Variants in SLC36A1 observed in about 807,000 individuals in gnomAD.
The protein encoded by SLC36A1 is proton-coupled amino acid transporter 1.
A neutral mutation model predicts 47.5 loss-of-function variants in SLC36A1; 30 were observed. That is an observed-to-expected ratio of 0.63 (90% CI 0.47 to 0.86). The LOEUF (loss-of-function observed/expected upper bound fraction) is 0.86, where lower values mean the gene tolerates loss of function less well. Among genes scored for constraint, SLC36A1 ranks in the 40% least tolerant of loss-of-function variants. The pLI is 0.00. For synonymous variants in SLC36A1, 255 were observed against 249.7 expected (o/e 1.02, Z -0.20); for missense variants, 517 against 606.0 (o/e 0.85, Z 1.54).
At chr5:151,458,136 C>T (rs1413970154) in intron 1 of SLC36A1, among the ~76,000 whole-genome samples, 2 of 151,740 alleles carry the variant, frequency 1.3e-5, no homozygotes, top group Non-Finnish European at 2.9e-5. Context: ...GCGTGAGCCA[C>T]CACACCCAGC....
the SLC36A1 span, among the ~76,000 whole-genome samples, chr5:151,500,370 T>C: frequency 6.6e-6 from 1 of 152,018 alleles, no homozygotes; most frequent in East Asian, 1.9e-4. Context: ...GGTTTTGTTG[T>C]TGTTGTTGTT....
rs188730317 is a variant in SLC36A1 at position 151,439,447 on chromosome 5, G to A, written c.-6+2268G>A. Among the ~76,000 whole-genome samples the A allele has an allele frequency of 2.6e-5, 4 of 152,226 alleles. No homozygotes were observed. The East Asian group carries it at 7.7e-4, about 29-fold the overall frequency. ...AGGTGGGCAGATCATGATGTCAGGA[G>A]ATCAAGACCATCCTGGCCAACATGG... On this transcript the variant is annotated intron_variant, in intron 1 of 8. Transcript: ENST00000429484.
At chr5:151,371,817 G>A in the SLC36A1 span, among the ~76,000 whole-genome samples, 26,694 of 152,088 alleles carry the variant, frequency 0.18, 2,585 homozygotes, top group East Asian at 0.41. Context: ...TGTTAAAGGG[G>A]ATAAATGTGT....
the SLC36A1 span, chr5:151,549,628 A>G: frequency 1.4e-6 from 1 of 705,652 alleles, no homozygotes; most frequent in South Asian, 1.8e-5. Flanking sequence ...AACTCCCCAT[A>G]TTCTTTTAAA....
At chr5:151,395,188 C>T in the SLC36A1 span, among the ~76,000 whole-genome samples, 100 of 152,340 alleles carry the variant, frequency 6.6e-4, 1 homozygote, top group South Asian at 0.012. Context: ...GCTCTGTGGG[C>T]GTGGGACCCT....
chr5:151,399,085 T>TATATATATATATATATATATATATATA, the SLC36A1 span, among the ~76,000 whole-genome samples: 1 of 59,622 alleles, frequency 1.7e-5, no homozygotes, highest in Non-Finnish European at 3.0e-5. Context: ...TATATATATA[T>TATATATATATATATATATATATATATA]TTTTTTTTTT....
At chr5:151,526,459 G>C in the SLC36A1 span, among the ~76,000 whole-genome samples, 16 of 152,170 alleles carry the variant, frequency 1.1e-4, no homozygotes, top group Admixed American at 2.0e-4. Flanking sequence ...GATTCCCTGA[G>C]TATCATTTTA....
chr5:151,464,095 G>A (rs531466979), intron 3 of SLC36A1, among the ~76,000 whole-genome samples: 30 of 152,228 alleles, frequency 2.0e-4, no homozygotes, highest in Admixed American at 1.2e-3. Flanking sequence ...GGTTTCTTTC[G>A]GAGTTGAAGA....
At chr5:151,468,251 C>CAAAA (rs1214176868) in intron 7 of SLC36A1, among the ~76,000 whole-genome samples, 521 of 31,254 alleles carry the variant, frequency 0.017, 36 homozygotes, top group Middle Eastern at 0.031. Flanking sequence ...GACTCTGTCT[C>CAAAA]AAAAAAAAAA....
the SLC36A1 span, among the ~76,000 whole-genome samples, chr5:151,379,889 T>C: frequency 6.6e-6 from 1 of 152,070 alleles, no homozygotes; most frequent in Admixed American, 6.6e-5. Flanking sequence ...AATGCAGGCA[T>C]ACAAGAAATA....
upstream of SLC36A1, chr5:151,437,013 C>T (rs1454498640): frequency 2.0e-5 from 3 of 152,242 alleles, no homozygotes; most frequent in Non-Finnish European, 4.4e-5. Flanking sequence ...GAGGTCTGCC[C>T]ACCCTACAGA....
At chr5:151,474,038 T>G (rs1757692211) in intron 8 of SLC36A1, among the ~76,000 whole-genome samples, 2 of 150,726 alleles carry the variant, frequency 1.3e-5, no homozygotes, top group African/African-American at 4.9e-5. Flanking sequence ...CACACGCCTA[T>G]AATCCCAGCC....
intron 7 of SLC36A1, among the ~76,000 whole-genome samples, chr5:151,470,173 A>G (rs1487852024): frequency 6.6e-6 from 1 of 152,196 alleles, no homozygotes; most frequent in Non-Finnish European, 1.5e-5. Flanking sequence ...GGAAGGGTAA[A>G]TATTTACCCA....
At chr5:151,396,095 C>G in the SLC36A1 span, among the ~76,000 whole-genome samples, 1 of 151,748 alleles carries the variant, frequency 6.6e-6, no homozygotes, top group African/African-American at 2.4e-5. Flanking sequence ...CAGGCGTGAG[C>G]CACTGTACCT....
the SLC36A1 span, among the ~76,000 whole-genome samples, chr5:151,387,419 G>A: frequency 6.6e-6 from 1 of 152,194 alleles, no homozygotes. Flanking sequence ...AGGCTATCTA[G>A]TAGAAACAAT....
the SLC36A1 span, among the ~76,000 whole-genome samples, chr5:151,548,545 A>G: frequency 2.0e-5 from 3 of 152,084 alleles, no homozygotes; most frequent in African/African-American, 7.2e-5. Flanking sequence ...CAATGGTGCA[A>G]TCTCAGCTCA....
chr5:151,464,670 A>G, intron 4 of SLC36A1, 68 bp downstream of exon 4: 5 of 1,325,426 alleles, frequency 3.8e-6, no homozygotes, highest in Non-Finnish European at 4.3e-6. Context: ...CAACCCTGAA[A>G]ATGAGCACTG....
chr5:151,540,681 C>A, the SLC36A1 span: 1 of 1,614,228 alleles, frequency 6.2e-7, no homozygotes, highest in East Asian at 2.2e-5. Context: ...TGGCTGTATG[C>A]TCGCGGTCCA....
chr5:151,392,904 G>A, the SLC36A1 span, among the ~76,000 whole-genome samples: 1 of 152,202 alleles, frequency 6.6e-6, no homozygotes, highest in Non-Finnish European at 1.5e-5. Flanking sequence ...GAGTTCTGTA[G>A]ATGTCTATTA....
Sources: gnomAD v4.1 joint callset for allele counts (sites outside exome capture counted in the v4.1 genomes callset) on GRCh38, gnomAD v4.1.1 for gene constraint, MANE v1.5 for transcripts, NCBI Gene and HGNC (gene_info 2026-07-23, HGNC 2026-07-21) for gene names.